Variants in TRPV2 observed in about 807,000 individuals in gnomAD.
TRPV2 encodes transient receptor potential cation channel subfamily V member 2, also known as OTRPC2.
Under a neutral mutation model 91.0 loss-of-function variants are expected in TRPV2, and 58 were observed. The ratio of observed to expected loss-of-function variants is 0.64; its 90% CI spans 0.52 to 0.79. The LOEUF (loss-of-function observed/expected upper bound fraction) is 0.79. TRPV2 is among the 30% of genes least tolerant of loss of function. The pLI is 0.00. For missense variants in TRPV2, 807 were observed against 969.6 expected (o/e 0.83, Z 2.23); for synonymous variants, 417 against 414.8 (o/e 1.01, Z -0.06).
intron 2 of TRPV2, 116 bp downstream of exon 2, chr17:16,417,984 A>G (rs2093339625): frequency 9.5e-7 from 1 of 1,051,204 alleles, no homozygotes; most frequent in Non-Finnish European, 1.4e-6. Context: ...CAGCCTGTGG[A>G]GTCCTCAGTC....
chr17:16,427,765 T>G (rs1287678387), intron 8 of TRPV2, among the ~76,000 whole-genome samples: 1 of 152,132 alleles, frequency 6.6e-6, no homozygotes, highest in African/African-American at 2.4e-5. Flanking sequence ...AGCAGATAGC[T>G]TCTCTGATTC....
In TRPV2 at chr17:16,426,426, C is replaced by T; in HGVS notation, c.1095+157C>T. Among the ~76,000 whole-genome samples, 1 of 152,222 alleles carries T rather than the reference C, an allele frequency of 6.6e-6. No individual in the cohort carries two copies. The highest frequency in any genetic ancestry group is 1.9e-4 in the East Asian group (1 of 5,196). Reference sequence around the variant, plus strand: ...GCAGGCACGACCCTGACCATGGCCACCGGGCCCATACTCAATCCATACTCT... The same window carrying T: ...GCAGGCACGACCCTGACCATGGCCATCGGGCCCATACTCAATCCATACTCT... On this transcript the variant is annotated intron_variant, in intron 6 of 14. Transcript: ENST00000338560. This position sits in a 1 kb window ranked among gnomAD's most constrained non-coding sequence, Gnocchi z 6.0.
chr17:16,417,616 A>C lies in TRPV2; in HGVS notation c.-53A>C. On this transcript the variant is annotated 5_prime_UTR_variant, in exon 2 of 15. Transcript: ENST00000338560. ...CTGGGAGGAAGACAGGACCCTTGAC[A>C]TCTCCATCTGCACAGAGGTCCTGGC... 6.3e-7 allele frequency: 1 copy of C among 1,587,494 alleles called. No individual in the cohort carries two copies. Among genetic ancestry groups the C allele is most frequent in the Middle Eastern group, 1.7e-4 (1 of 5,888 alleles).
Position 16,428,891 on chromosome 17 carries a change from T to G in TRPV2, c.1496T>G (p.Leu499Arg), listed in dbSNP as rs1485223226. The G allele has an allele frequency of 4.3e-6, 7 of 1,614,052 alleles. No individual in the cohort carries two copies. In the African/African-American group the frequency reaches 8.0e-5, roughly 18 times the overall value. Residue 499 changes from leucine (L) to arginine (R), a missense_variant, in exon 10 of 15, where the codon CTT becomes CGT. Coordinates refer to ENST00000338560, the MANE Select transcript of TRPV2 (RefSeq NM_016113.5). Reference sequence around the variant, plus strand: ...GCCATCGAGTGGTACCTGCCCCTGCTTGTGTCTGCGCTGGTGCTGGGCTGG... The same window carrying G: ...GCCATCGAGTGGTACCTGCCCCTGCGTGTGTCTGCGCTGGTGCTGGGCTGG... ...FLAIEWYLPL[L>R]VSALVLGWLN...
chr17:16,416,998 C>T (rs2093333718), intron 1 of TRPV2, among the ~76,000 whole-genome samples: 1 of 152,116 alleles, frequency 6.6e-6, no homozygotes, highest in Admixed American at 6.5e-5. Context: ...GGGTTGTGAC[C>T]CCTCAGATTC....
intron 2 of TRPV2, 37 bp downstream of exon 2, chr17:16,417,905 C>G (rs1242460370): frequency 1.3e-6 from 2 of 1,593,250 alleles, no homozygotes; most frequent in African/African-American, 1.3e-5. Flanking sequence ...AAGGGGGCCC[C>G]CTGCCCAGCT....
At position 16,417,663 on chromosome 17, in the gene TRPV2, C is replaced by T. The variant is rs371408651; in HGVS notation, c.-6C>T. ...TGGCTGGACCGAGCAGCCTCCTCCTCCTAGGATGACCTCACCCTCCAGCTC... is the reference window on the plus strand; with the variant it reads ...TGGCTGGACCGAGCAGCCTCCTCCTTCTAGGATGACCTCACCCTCCAGCTC... On this transcript the variant is annotated 5_prime_UTR_variant, in exon 2 of 15. Coordinates refer to ENST00000338560, the MANE Select transcript of TRPV2 (RefSeq NM_016113.5). The T allele has an allele frequency of 1.8e-4, 295 of 1,613,438 alleles. 1 individual carries two copies. In the African/African-American group the frequency reaches 3.3e-3, roughly 18 times the overall value.
chr17:16,434,100 A>T (rs927444109), intron 13 of TRPV2, among the ~76,000 whole-genome samples: 2 of 152,264 alleles, frequency 1.3e-5, no homozygotes, highest in South Asian at 2.1e-4. Flanking sequence ...CCTTCCATGG[A>T]GAACATGCCC....
Position 16,432,145 on chromosome 17 carries a change from T to A in TRPV2, c.1834T>A (p.Phe612Ile), listed in dbSNP as rs1453239656. 1 of 1,614,244 alleles carries A rather than the reference T, an allele frequency of 6.2e-7. No individual in the cohort carries two copies. Among genetic ancestry groups the A allele is most frequent in the Non-Finnish European group, 8.5e-7 (1 of 1,180,038 alleles). The stretch of plus-strand genomic sequence containing the variant: ...CACCATCGGCATGGGCGAGCTGGCC[T>A]TCCAGGAGCAGCTGCACTTCCGCGG... ...KFTIGMGELA[F>I]QEQLHFRGMV... Residue 612 changes from phenylalanine to isoleucine, a missense_variant, in exon 12 of 15, where the codon TTC (phenylalanine) becomes ATC (isoleucine). Transcript: ENST00000338560.
chr17:16,420,911 G>A (rs1335290342), intron 3 of TRPV2, among the ~76,000 whole-genome samples: 1 of 151,718 alleles, frequency 6.6e-6, no homozygotes, highest in African/African-American at 2.4e-5. Flanking sequence ...CCACCGCGCA[G>A]GGCCTATCCA....
intron 3 of TRPV2, among the ~76,000 whole-genome samples, chr17:16,421,395 T>G (rs56906221): frequency 0.52 from 79,485 of 151,672 alleles, 23,914 homozygotes; most frequent in African/African-American, 0.82. Context: ...TTTTTGTATT[T>G]TTTTAGTAGA....
chr17:16,416,943 C>T (rs530378193), intron 1 of TRPV2, among the ~76,000 whole-genome samples: 16 of 152,290 alleles, frequency 1.1e-4, no homozygotes, highest in South Asian at 2.1e-4. Flanking sequence ...CCAGGCAAGA[C>T]GTTGTGTAAA....
At chr17:16,434,481 A>G (rs1033439609) in intron 13 of TRPV2, among the ~76,000 whole-genome samples, 4 of 151,682 alleles carry the variant, frequency 2.6e-5, no homozygotes, top group African/African-American at 7.3e-5. Flanking sequence ...AAAAAAAAAA[A>G]AAAGAAAACA....
chr17:16,434,328 C>T (rs932316300), intron 13 of TRPV2, among the ~76,000 whole-genome samples: 8 of 152,000 alleles, frequency 5.3e-5, no homozygotes, highest in South Asian at 2.1e-4. Context: ...AGTAGCCGGG[C>T]GTGGTGGCGG....
chr17:16,432,803 T>G (rs2093419468), intron 12 of TRPV2, among the ~76,000 whole-genome samples: 1 of 149,962 alleles, frequency 6.7e-6, no homozygotes, highest in Admixed American at 6.6e-5. Flanking sequence ...TGTCCAGTGT[T>G]TCTTTTTTTT....
intron 1 of TRPV2, chr17:16,416,590 C>T (rs1257702390): frequency 6.6e-6 from 1 of 152,624 alleles, no homozygotes; most frequent in Non-Finnish European, 1.5e-5. Flanking sequence ...GCCTCCCTCC[C>T]TTCGTGAAGC....
At chr17:16,424,329 T>C (rs1405703403) in intron 5 of TRPV2, among the ~76,000 whole-genome samples, 1 of 152,120 alleles carries the variant, frequency 6.6e-6, no homozygotes, top group Non-Finnish European at 1.5e-5. Context: ...GGCTAATTTT[T>C]TTTTTGTATT....
At chr17:16,431,274 T>TATAC (rs2093409073) in intron 10 of TRPV2, among the ~76,000 whole-genome samples, 2 of 75,572 alleles carry the variant, frequency 2.6e-5, no homozygotes, top group Non-Finnish European at 5.0e-5. Context: ...TATATATATA[T>TATAC]ATATATATAT....
chr17:16,434,386 T>C (rs1184503522), intron 13 of TRPV2, among the ~76,000 whole-genome samples: 2 of 146,272 alleles, frequency 1.4e-5, no homozygotes, highest in African/African-American at 2.5e-5. Context: ...GAGAATGGCA[T>C]GAACCTGGGA....
Sources: gnomAD v4.1 joint callset for allele counts (sites outside exome capture counted in the v4.1 genomes callset) on GRCh38, gnomAD v4.1.1 for gene constraint, Gnocchi (gnomAD v3.1) non-coding constraint, MANE v1.5 for transcripts, NCBI Gene and HGNC (gene_info 2026-07-23, HGNC 2026-07-21) for gene names.